LINGO2: variants seen among roughly 807,000 people sequenced by gnomAD.
LINGO2 encodes leucine rich repeat and Ig domain containing 2, also known as leucine-rich repeat and immunoglobulin-like domain-containing nogo receptor-interacting protein 2.
LINGO2 carries 14 observed loss-of-function variants against 30.6 expected under a neutral mutation model. That is an observed-to-expected ratio of 0.46 (90% CI 0.30 to 0.72). The LOEUF (loss-of-function observed/expected upper bound fraction) is 0.72. Ranked by LOEUF, LINGO2 falls within the 30% of genes least tolerant of loss-of-function variation. The pLI, the probability that LINGO2 is intolerant of heterozygous loss-of-function variation, is 0.07. For synonymous variants in LINGO2, 317 were observed against 288.5 expected (o/e 1.10, Z -1.00); for missense variants, 729 against 751.7 (o/e 0.97, Z 0.35).
At chr9:28,735,128 C>A in the LINGO2 span, among the ~76,000 whole-genome samples, 1 of 151,950 alleles carries the variant, frequency 6.6e-6, no homozygotes, top group African/African-American at 2.4e-5. Flanking sequence ...TATTTTTCTG[C>A]AGTATTGTTT....
chr9:29,022,365 A>C, the LINGO2 span, among the ~76,000 whole-genome samples: 30 of 152,188 alleles, frequency 2.0e-4, no homozygotes, highest in Admixed American at 2.0e-3. Flanking sequence ...ACACTCACGC[A>C]GAATGGTGGG....
chr9:28,232,142 T>C (rs1393622638), intron 4 of LINGO2, among the ~76,000 whole-genome samples: 1 of 152,082 alleles, frequency 6.6e-6, no homozygotes, highest in Non-Finnish European at 1.5e-5. Context: ...CTCATGCCTG[T>C]AATCCAAGAA....
chr9:28,139,499 G>T (rs1827615259), intron 4 of LINGO2, among the ~76,000 whole-genome samples: 1 of 152,148 alleles, frequency 6.6e-6, no homozygotes, highest in South Asian at 2.1e-4. Context: ...CACAAATGTA[G>T]AAAGAAAACT....
chr9:28,744,729 T>G, the LINGO2 span, among the ~76,000 whole-genome samples: 1 of 150,640 alleles, frequency 6.6e-6, no homozygotes, highest in African/African-American at 2.5e-5. Context: ...CTCTGCCTCC[T>G]GGATTCAAGA....
At chr9:29,089,416 A>G in the LINGO2 span, among the ~76,000 whole-genome samples, 1 of 152,002 alleles carries the variant, frequency 6.6e-6, no homozygotes, top group African/African-American at 2.4e-5. Context: ...ATCTTTTAAC[A>G]TTCTTCCAAG....
the LINGO2 span, among the ~76,000 whole-genome samples, chr9:29,210,318 T>C: frequency 6.6e-6 from 1 of 152,210 alleles, no homozygotes; most frequent in Non-Finnish European, 1.5e-5. Flanking sequence ...TTATACATCA[T>C]ATACACAGAG....
At chr9:28,323,584 A>G (rs1825123476) in intron 3 of LINGO2, among the ~76,000 whole-genome samples, 1 of 152,224 alleles carries the variant, frequency 6.6e-6, no homozygotes, top group Non-Finnish European at 1.5e-5. Context: ...TAGGCAATGG[A>G]GGGAGACTCT....
intron 1 of LINGO2, among the ~76,000 whole-genome samples, chr9:28,659,919 C>T (rs1468554728): frequency 6.6e-6 from 1 of 152,082 alleles, no homozygotes; most frequent in Non-Finnish European, 1.5e-5. Context: ...TGAGCTTTTG[C>T]TACCAACAGA....
At chr9:28,402,423 A>G (rs1251481558) in intron 2 of LINGO2, among the ~76,000 whole-genome samples, 1 of 152,200 alleles carries the variant, frequency 6.6e-6, no homozygotes, top group African/African-American at 2.4e-5. Flanking sequence ...TTAGAAAATA[A>G]GAAATCATCA....
At position 28,481,604 on chromosome 9, in the gene LINGO2, T is replaced by G. The variant is rs375219090; in HGVS notation, c.-364-5579A>C. ...GCTGTCGCCCTCCTCTGTGTAAGTT[T>G]TATTTATTTATTTATTTATTTATTT... On this transcript the variant is annotated intron_variant, in intron 1 of 5. Transcript: ENST00000379992. 3.8e-4 allele frequency among the ~76,000 whole-genome samples: 58 copies of G among 151,302 alleles called. No homozygotes were observed. In the East Asian group the frequency reaches 8.1e-3, roughly 21 times the overall value.
rs138017753 is a variant in LINGO2 at position 28,248,473 on chromosome 9, G to T, written c.-87+46735C>A. Among the ~76,000 whole-genome samples the T allele has an allele frequency of 2.6e-5, 4 of 152,302 alleles. No homozygotes were observed. The East Asian group carries it at 5.8e-4, about 22-fold the overall frequency. ...TCACCAGTGGTTGGAATGGGTCATA[G>T]GGTGTACAGGGAAGGATATGCAGAT... On this transcript the variant is annotated intron_variant, in intron 4 of 5. Transcript: ENST00000379992.
chr9:28,789,319 T>G, the LINGO2 span, among the ~76,000 whole-genome samples: 3 of 152,220 alleles, frequency 2.0e-5, no homozygotes, highest in African/African-American at 7.2e-5. Context: ...AGCTATTATC[T>G]CAATAGTATC....
chr9:28,976,686 G>T, the LINGO2 span, among the ~76,000 whole-genome samples: 1 of 151,876 alleles, frequency 6.6e-6, no homozygotes, highest in Non-Finnish European at 1.5e-5. Context: ...TAAGATATTG[G>T]TGTTAACTCA....
intron 4 of LINGO2, among the ~76,000 whole-genome samples, chr9:28,187,802 AT>A (rs1819596339): frequency 6.6e-6 from 1 of 152,192 alleles, no homozygotes. Context: ...CTTAACATAC[AT>A]ATGATAACGT....
chr9:28,135,390 C>G (rs749212245), intron 4 of LINGO2, among the ~76,000 whole-genome samples: 1 of 151,778 alleles, frequency 6.6e-6, no homozygotes, highest in Non-Finnish European at 1.5e-5. Flanking sequence ...AAAAGGAATA[C>G]TTGGGAGAAC....
At chr9:29,082,534 T>G in the LINGO2 span, among the ~76,000 whole-genome samples, 30,005 of 151,878 alleles carry the variant, frequency 0.2, 3,108 homozygotes, top group African/African-American at 0.24. Flanking sequence ...ATGACTTCAT[T>G]TCTAAAACAC....
rs566649350 is a variant in LINGO2, at chr9:28,665,329, G to T, written c.-365+4871C>A. Among the ~76,000 whole-genome samples the T allele has an allele frequency of 2.0e-5, 3 of 151,916 alleles. No homozygotes were observed. In the East Asian group the frequency reaches 5.8e-4, roughly 29 times the overall value. The stretch of plus-strand genomic sequence containing the variant: ...CAGAGCAGCTATGTTTCACTACCAC[G>T]TATGCCATTAGATTATGTTTACATG... On this transcript the variant is annotated intron_variant, in intron 1 of 5. Transcript: ENST00000379992.
chr9:27,986,080 T>C lies in LINGO2; in HGVS notation c.-36+26275A>G, dbSNP rs1016221139. Among the ~76,000 whole-genome samples the C allele has an allele frequency of 2.6e-5, 4 of 151,696 alleles. No homozygotes were observed. In the South Asian group the frequency reaches 6.2e-4, roughly 24 times the overall value. Reference sequence around the variant, plus strand: ...GTATTTCTTCTGGGTGGTAGATGACTAGGCCCTGAGGAAATTGGTTTAGGC... The same window carrying C: ...GTATTTCTTCTGGGTGGTAGATGACCAGGCCCTGAGGAAATTGGTTTAGGC... On this transcript the variant is annotated intron_variant, in intron 5 of 5. Transcript: ENST00000379992.
At chr9:28,136,997 A>G (rs541303377) in intron 4 of LINGO2, among the ~76,000 whole-genome samples, 2 of 152,192 alleles carry the variant, frequency 1.3e-5, no homozygotes, top group South Asian at 2.1e-4. Context: ...GCCTTCAGAC[A>G]TGGACTCGGA....
Sources: gnomAD v4.1 joint callset for allele counts (sites outside exome capture counted in the v4.1 genomes callset) on GRCh38, gnomAD v4.1.1 for gene constraint, MANE v1.5 for transcripts, NCBI Gene and HGNC (gene_info 2026-07-23, HGNC 2026-07-21) for gene names.